Variants in LEKR1 observed in about 807,000 individuals in gnomAD.
LEKR1 encodes leucine, glutamate and lysine rich 1.
LEKR1 carries 59 observed loss-of-function variants against 72.4 expected under a neutral mutation model. That is an observed-to-expected ratio of 0.82 (90% CI 0.66 to 1.01). The LOEUF is 1.01. Among genes scored for constraint, LEKR1 ranks in the 50% least tolerant of loss-of-function variants. The pLI, the probability that LEKR1 is intolerant of heterozygous loss-of-function variation, is 0.00. For synonymous variants in LEKR1, 257 were observed against 263.2 expected, an observed-to-expected ratio of 0.98 and a Z score of 0.23; for missense variants, 728 against 759.2, an observed-to-expected ratio of 0.96 and a Z score of 0.48.
chr3:156,886,985 C>T (rs933580152), intron 3 of LEKR1, among the ~76,000 whole-genome samples: 1 of 152,222 alleles, frequency 6.6e-6, no homozygotes, highest in African/African-American at 2.4e-5. Flanking sequence ...TTTTGTCCAT[C>T]CATGTGGGAG....
chr3:156,878,817 TC>T (rs1229615617), intron 3 of LEKR1, among the ~76,000 whole-genome samples: 1 of 152,120 alleles, frequency 6.6e-6, no homozygotes, highest in East Asian at 1.9e-4. Flanking sequence ...GGGGCCAGTT[TC>T]CCCCATATTT....
At chr3:156,995,564 G>C (rs1731496724) in intron 9 of LEKR1, among the ~76,000 whole-genome samples, 1 of 152,140 alleles carries the variant, frequency 6.6e-6, no homozygotes, top group African/African-American at 2.4e-5. Flanking sequence ...AGACACGGTG[G>C]CTCACACCTG....
intron 2 of LEKR1, among the ~76,000 whole-genome samples, chr3:156,843,818 A>G (rs1004545168): frequency 1.4e-4 from 21 of 151,890 alleles, no homozygotes; most frequent in African/African-American, 5.1e-4. Flanking sequence ...ATCCTGGGAA[A>G]GTTGTGATGT....
chr3:157,021,972 T>C (rs1733873641), intron 10 of LEKR1, among the ~76,000 whole-genome samples: 1 of 152,176 alleles, frequency 6.6e-6, no homozygotes, highest in Non-Finnish European at 1.5e-5. Flanking sequence ...GTTTCTCCTT[T>C]CATATATTCT....
chr3:156,846,821 T>G (rs559246764), intron 2 of LEKR1, among the ~76,000 whole-genome samples: 64 of 151,910 alleles, frequency 4.2e-4, no homozygotes, highest in African/African-American at 1.2e-3. Context: ...ATGTATGTAT[T>G]TATTTATTTG....
Position 156,838,731 on chromosome 3 carries a change from A to G in LEKR1, c.48+9354A>G, listed in dbSNP as rs77303091. Among the ~76,000 whole-genome samples the G allele has an allele frequency of 2.9e-3, 441 of 152,344 alleles. 2 individuals are homozygous for G. The highest frequency in any genetic ancestry group is 0.01 in the African/African-American group (422 of 41,582). ...AGCACCAGACATGGCCTTCAGTTCC[A>G]GAGAAATAAGCAGCTGCCAGAGCTC... On this transcript the variant is annotated intron_variant, in intron 2 of 12. Transcript: ENST00000356539.
chr3:157,043,191 G>A (rs1735496359), intron 12 of LEKR1, among the ~76,000 whole-genome samples: 1 of 152,184 alleles, frequency 6.6e-6, no homozygotes, highest in South Asian at 2.1e-4. Context: ...AGAAGCAGAA[G>A]TGGCTAAGCT....
In LEKR1 at chr3:156,996,934, G is replaced by A. The variant is rs933400964; in HGVS notation, c.1109+3657G>A. Among the ~76,000 whole-genome samples, 17 of 151,968 alleles carry A rather than the reference G, an allele frequency of 1.1e-4. 1 individual carries two copies. Among genetic ancestry groups the A allele is most frequent in the African/African-American group, 1.9e-4 (8 of 41,370 alleles). On this transcript the variant is annotated intron_variant, in intron 9 of 12. Coordinates refer to ENST00000356539, the MANE Select transcript of LEKR1 (RefSeq NM_001004316.3). ...ACAAAAATTAGCTGAGTGTGGTGGC[G>A]GGTGCCTGTAATCCCAGCTACTTGG...
chr3:156,997,557 C>T (rs549194287), intron 9 of LEKR1, among the ~76,000 whole-genome samples: 1 of 152,202 alleles, frequency 6.6e-6, no homozygotes, highest in Non-Finnish European at 1.5e-5. Flanking sequence ...GGAAGTATTA[C>T]AACCAACCAG....
chr3:157,029,399 G>C (rs1429522271), intron 12 of LEKR1, among the ~76,000 whole-genome samples: 2 of 151,986 alleles, frequency 1.3e-5, no homozygotes, highest in East Asian at 3.9e-4. Flanking sequence ...AAATGAGGAA[G>C]AGACTGAAGA....
chr3:156,995,201 G>A (rs1731463839), intron 9 of LEKR1, among the ~76,000 whole-genome samples: 1 of 152,148 alleles, frequency 6.6e-6, no homozygotes, highest in Non-Finnish European at 1.5e-5. Flanking sequence ...AATGCTTTGA[G>A]GATTAGTAAC....
rs777550495 is a variant in LEKR1, at chr3:156,888,433, C to T, written c.264-32142C>T. The T allele has an allele frequency of 7.3e-6, 5 of 687,998 alleles. No homozygotes were observed. In the South Asian group the frequency reaches 7.6e-5, roughly 10 times the overall value. The allele number at this position is 687,998 out of a possible 1,614,324, so 42.6% of individuals were successfully genotyped here. On this transcript the variant is annotated intron_variant, in intron 3 of 12. Coordinates refer to ENST00000356539, the MANE Select transcript of LEKR1 (RefSeq NM_001004316.3). ...TGTTTTCCTTAGCTTTTCTTAATAA[C>T]TTTGTTTTTGCAAAATAAATATTTT...
chr3:156,951,278 A>C (rs1727130740), intron 6 of LEKR1, among the ~76,000 whole-genome samples: 1 of 151,744 alleles, frequency 6.6e-6, no homozygotes, highest in African/African-American at 2.4e-5. Flanking sequence ...TATTTTGTTA[A>C]GGATTTTTGC....
chr3:156,969,127 G>A (rs1449106364), intron 6 of LEKR1, among the ~76,000 whole-genome samples: 2 of 152,006 alleles, frequency 1.3e-5, no homozygotes, highest in African/African-American at 4.8e-5. Context: ...ATTCAAAGCA[G>A]TGTGTAGAGG....
At chr3:156,873,445 T>G (rs1357866790) in intron 3 of LEKR1, among the ~76,000 whole-genome samples, 4 of 152,210 alleles carry the variant, frequency 2.6e-5, no homozygotes, top group African/African-American at 9.6e-5. Flanking sequence ...AAAGGCATAT[T>G]CTTGTCATTG....
intron 3 of LEKR1, among the ~76,000 whole-genome samples, chr3:156,894,655 A>G (rs367774830): frequency 1.6e-4 from 24 of 152,232 alleles, no homozygotes; most frequent in African/African-American, 5.5e-4. Flanking sequence ...CTACAAGGCT[A>G]CAGTAATCAA....
intron 3 of LEKR1, among the ~76,000 whole-genome samples, chr3:156,858,694 C>A (rs1223078130): frequency 6.7e-6 from 1 of 148,296 alleles, no homozygotes; most frequent in Non-Finnish European, 1.5e-5. Context: ...AAAAAAAAAT[C>A]TGTTTTCTAT....
intron 2 of LEKR1, among the ~76,000 whole-genome samples, chr3:156,840,079 A>G (rs1231558935): frequency 6.6e-6 from 1 of 152,296 alleles, no homozygotes; most frequent in African/African-American, 2.4e-5. Context: ...TGAAGATTAA[A>G]TATATTTCCT....
chr3:157,037,111 G>A (rs917768565), intron 12 of LEKR1, among the ~76,000 whole-genome samples: 3 of 152,124 alleles, frequency 2.0e-5, no homozygotes, highest in African/African-American at 2.4e-5. Flanking sequence ...GGTATAGGAA[G>A]CTGAACCCTC....
Sources: allele counts gnomAD v4.1 joint callset (sites outside exome capture counted in the v4.1 genomes callset), GRCh38; gene constraint gnomAD v4.1.1; transcripts MANE v1.5; gene names NCBI Gene and HGNC (gene_info 2026-07-23, HGNC 2026-07-21).